RPS21: variants seen among roughly 807,000 people sequenced by gnomAD.
RPS21 encodes small ribosomal subunit protein eS21.
A neutral mutation model predicts 14.5 loss-of-function variants in RPS21; 6 were observed. The ratio of observed to expected loss-of-function variants is 0.41; its 90% CI spans 0.23 to 0.82. The LOEUF (loss-of-function observed/expected upper bound fraction) is 0.82. Among genes scored for constraint, RPS21 ranks in the 40% least tolerant of loss-of-function variants. The probability of loss-of-function intolerance (pLI) is 0.31; values close to 1 mark genes in which losing one functional copy is unlikely to be tolerated. For missense variants in RPS21, 85 were observed against 115.0 expected, an observed-to-expected ratio of 0.74 and a Z score of 1.19; for synonymous variants, 61 against 42.6, an observed-to-expected ratio of 1.43 and a Z score of -1.69.
Position 62,388,516 on chromosome 20 carries a change from A to G in RPS21, c.*50A>G, listed in dbSNP as rs1388975495. 1.3e-6 allele frequency: 2 copies of G among 1,595,690 alleles called. No homozygotes were observed. The highest frequency in any genetic ancestry group is 2.7e-5 in the African/African-American group (2 of 74,508). On this transcript the variant is annotated 3_prime_UTR_variant, in exon 6 of 6. Coordinates refer to ENST00000343986, the MANE Select transcript of RPS21 (RefSeq NM_001024.4). ...TATTTGTCATAAATAAATAATGAAA[A>G]CCTACCTGTGCAGGTTCATTCTGTG...
At chr20:62,388,072 G>A (rs1020904251) in intron 4 of RPS21, 158 bp downstream of exon 4, 5 of 1,554,444 alleles carry the variant, frequency 3.2e-6, no homozygotes, top group East Asian at 2.4e-5. Flanking sequence ...GGTGGAAGAG[G>A]GGTGCTCTGA....
At chr20:62,387,416 C>G in intron 2 of RPS21, 28 bp downstream of exon 2, 1 of 1,607,486 alleles carries the variant, frequency 6.2e-7, no homozygotes, top group Non-Finnish European at 8.5e-7. Context: ...GCCTCTCTTC[C>G]GTCCTTACCT....
In RPS21 at chr20:62,388,370, G is replaced by T. The variant is rs369868106; in HGVS notation, c.242+6G>T. 19 of 1,609,012 alleles carry T rather than the reference G, an allele frequency of 1.2e-5. No individual in the cohort carries two copies. The Admixed American group carries it at 2.7e-4, about 23-fold the overall frequency. ...GCCGATGGCATCGTCTCAAAGTAAG[G>T]TTGGGGGCTCACATTTGGGCAGAGT... On this transcript the variant is annotated splice_donor_region_variant and intron_variant, in intron 5 of 5. Coordinates refer to ENST00000343986, the MANE Select transcript of RPS21 (RefSeq NM_001024.4).
Position 62,388,299 on chromosome 20 carries a change from T to G in RPS21, c.187-10T>G. The stretch of plus-strand genomic sequence containing the variant: ...AAATATTCTTAGTGTGCTTTTTTTT[T>G]TTTCTTAAGGGTGAGTCAGATGATT... On this transcript the variant is annotated splice_polypyrimidine_tract_variant and intron_variant, in intron 4 of 5. Coordinates refer to ENST00000343986, the MANE Select transcript of RPS21 (RefSeq NM_001024.4). 4 of 1,584,296 alleles carry G rather than the reference T, an allele frequency of 2.5e-6. No individual in the cohort carries two copies. The highest frequency in any genetic ancestry group is 3.4e-6 in the Non-Finnish European group (4 of 1,172,702).
Position 62,387,120 on chromosome 20 carries a change from C to T in RPS21, c.-35C>T, listed in dbSNP as rs531658246. On this transcript the variant is annotated 5_prime_UTR_variant, in exon 1 of 6. Coordinates refer to ENST00000343986, the MANE Select transcript of RPS21 (RefSeq NM_001024.4). The stretch of plus-strand genomic sequence containing the variant: ...AGCTGCTTCCTTTCTCTCTCGCGCG[C>T]GGTGTGGTGGCAGCAGGTGTGGCGC... 1.7e-5 allele frequency: 8 copies of T among 471,722 alleles called. No homozygotes were observed. The Admixed American group carries it at 1.8e-4, about 10-fold the overall frequency. The allele number at this position is 471,722 out of a possible 1,614,324, so 29.2% of individuals were successfully genotyped here. A position where few individuals can be genotyped will look rare whatever the true frequency, so the allele number is the denominator to read the frequency against.
chr20:62,388,187 T>C, intron 4 of RPS21, 122 bp from the exon 5 acceptor site: 3 of 1,453,674 alleles, frequency 2.1e-6, no homozygotes, highest in Non-Finnish European at 2.8e-6. Context: ...TGGCTCCCCT[T>C]CTGCGCCTGT....
intron 4 of RPS21, 135 bp from the exon 5 acceptor site, chr20:62,388,174 A>AG: frequency 6.9e-7 from 1 of 1,458,932 alleles, no homozygotes; most frequent in Non-Finnish European, 9.2e-7. Context: ...GCCCCGGGAG[A>AG]GGTGGCTCCC....
chr20:62,388,111 C>G, intron 4 of RPS21, 197 bp downstream of exon 4: 4 of 1,514,660 alleles, frequency 2.6e-6, no homozygotes, highest in Non-Finnish European at 3.5e-6. Context: ...GACTCTGCCT[C>G]TCACTAGGAG....
At chr20:62,388,225 T>G (rs530156179) in intron 4 of RPS21, 84 bp from the exon 5 acceptor site, 8 of 1,493,922 alleles carry the variant, frequency 5.4e-6, no homozygotes, top group Non-Finnish European at 7.2e-6. Flanking sequence ...GGGAGAGACG[T>G]GGGCTGGTGG....
rs554594594 is a variant in RPS21, at chr20:62,387,410, C to T, written c.50+22C>T. On this transcript the variant is annotated intron_variant, in intron 2 of 5. Coordinates refer to ENST00000343986, the MANE Select transcript of RPS21 (RefSeq NM_001024.4). ...AATGGTAAGCGCCCCCCACATGCCT[C>T]TCTTCCGTCCTTACCTAACCACCAC... The T allele has an allele frequency of 1.0e-5, 16 of 1,607,838 alleles. No individual in the cohort carries two copies. The South Asian group carries it at 1.1e-4, about 11-fold the overall frequency.
chr20:62,388,223 C>A, intron 4 of RPS21, 86 bp from the exon 5 acceptor site: 1 of 1,486,484 alleles, frequency 6.7e-7, no homozygotes, highest in Non-Finnish European at 9.1e-7. Flanking sequence ...GGGGGAGAGA[C>A]GTGGGCTGGT....
chr20:62,387,945 T>G (rs1987798999), intron 4 of RPS21, 31 bp downstream of exon 4: 2 of 1,614,134 alleles, frequency 1.2e-6, no homozygotes, highest in Non-Finnish European at 1.7e-6. Context: ...TGCTCATCAC[T>G]TCGGGACATC....
In RPS21 at chr20:62,387,929, G is replaced by A; in HGVS notation, c.186+15G>A. 1 of 1,614,236 alleles carries A rather than the reference G, an allele frequency of 6.2e-7. No individual in the cohort carries two copies. Among genetic ancestry groups the A allele is most frequent in the South Asian group, 1.1e-5 (1 of 91,084 alleles). ...TTCGTAGGATGGTGAGTGTTTCCCT[G>A]GGCTTTGCTCATCACTTCGGGACAT... is the stretch of plus-strand genomic sequence containing the variant. On this transcript the variant is annotated intron_variant, in intron 4 of 5. Transcript: ENST00000343986.
At position 62,388,341 on chromosome 20, in the gene RPS21, C is replaced by A; in HGVS notation, c.219C>A (p.Ala73=). 6.2e-7 allele frequency: 1 copy of A among 1,600,350 alleles called. No homozygotes were observed. Among genetic ancestry groups the A allele is most frequent in the Non-Finnish European group, 8.5e-7 (1 of 1,176,484 alleles). ...CAGATGATTCCATTCTCCGATTGGC[C>A]AAGGCCGATGGCATCGTCTCAAAGT... ...GESDDSILRL[A]KADGIVSKNF is the part of the protein sequence containing the mutation. Residue 73 remains alanine, a synonymous_variant, in exon 5 of 6, where the codon GCC becomes GCA. Coordinates refer to ENST00000343986, the MANE Select transcript of RPS21 (RefSeq NM_001024.4).
chr20:62,387,359 G>A lies in RPS21; in HGVS notation c.21G>A (p.Glu7=). The A allele has an allele frequency of 6.2e-7, 1 of 1,607,028 alleles. No individual in the cohort carries two copies. Among genetic ancestry groups the A allele is most frequent in the South Asian group, 1.1e-5 (1 of 89,808 alleles). Residue 7 remains glutamate, a synonymous_variant, in exon 2 of 6, where the codon GAG becomes GAA. Transcript: ENST00000343986. MQNDAG[E]FVDLYVPRKC... is the part of the protein sequence containing the mutation. Reference sequence around the variant, plus strand: ...TCGAAATGCAGAACGACGCCGGCGAGTTCGTGGACCTGTACGTGCCGCGGA... The same window carrying A: ...TCGAAATGCAGAACGACGCCGGCGAATTCGTGGACCTGTACGTGCCGCGGA...
intron 4 of RPS21, 156 bp from the exon 5 acceptor site, chr20:62,388,153 G>T: frequency 1.4e-6 from 2 of 1,475,838 alleles, no homozygotes; most frequent in East Asian, 4.9e-5. Context: ...ACCATAGTCA[G>T]GCTGCAGGCT....
At chr20:62,388,144 C>A in intron 4 of RPS21, 165 bp from the exon 5 acceptor site, 1 of 1,486,228 alleles carries the variant, frequency 6.7e-7, no homozygotes, top group Non-Finnish European at 9.0e-7. Context: ...CCCCGCTCCA[C>A]CATAGTCAGG....
At chr20:62,388,086 G>A in intron 4 of RPS21, 172 bp downstream of exon 4, 1 of 1,542,140 alleles carries the variant, frequency 6.5e-7, no homozygotes, top group South Asian at 1.2e-5. Context: ...GCTCTGAGAA[G>A]ACACTCAGGC....
chr20:62,388,456 G>C lies in RPS21; in HGVS notation c.243-1G>C. On this transcript the variant is annotated splice_acceptor_variant, in intron 5 of 5. Coordinates refer to ENST00000343986, the MANE Select transcript of RPS21 (RefSeq NM_001024.4). LOFTEE classifies it high-confidence loss of function. ...ACGTTGTCCTTTTCCCCTGGTTCTA[G>C]GAACTTTTGACTGGAGAGAATCACA... 1 of 1,613,870 alleles carries C rather than the reference G, an allele frequency of 6.2e-7. No homozygotes were observed. The highest frequency in any genetic ancestry group is 1.3e-5 in the African/African-American group (1 of 75,008).
Sources: allele counts gnomAD v4.1 joint callset, GRCh38; gene constraint gnomAD v4.1.1; transcripts MANE v1.5; gene names NCBI Gene and HGNC (gene_info 2026-07-23, HGNC 2026-07-21).